Variants in STAB1 observed in about 807,000 individuals in gnomAD.
STAB1 encodes the protein stabilin-1.
A neutral mutation model predicts 332.4 loss-of-function variants in STAB1; 250 were observed. That is an observed-to-expected ratio of 0.75 (90% confidence interval 0.68 to 0.84). STAB1 has a LOEUF of 0.84. Ranked by LOEUF, STAB1 falls within the 40% of genes least tolerant of loss-of-function variation. STAB1 has a pLI of 0.00. For synonymous variants in STAB1, 1,475 were observed against 1,390.4 expected (o/e 1.06, Z -1.35); for missense variants, 3,249 against 3,489.7 (o/e 0.93, Z 1.74).
In STAB1 at chr3:52,501,637, G is replaced by A; in HGVS notation, c.216-1G>A. 6.4e-7 allele frequency: 1 copy of A among 1,555,720 alleles called. No homozygotes were observed. Among genetic ancestry groups the A allele is most frequent in the Non-Finnish European group, 8.7e-7 (1 of 1,150,214 alleles). On this transcript the variant is annotated splice_acceptor_variant, in intron 2 of 68. Coordinates refer to ENST00000321725, the MANE Select transcript of STAB1 (RefSeq NM_015136.3). LOFTEE classifies it high-confidence loss of function. ...TCACCCTGCCCACCCTCTGCCCCCA[G>A]CTACGAAGTACAGCTGGGGGGCTCT... is the stretch of plus-strand genomic sequence containing the variant.
chr3:52,501,050 C>A, intron 1 of STAB1, 116 bp from the exon 2 acceptor site: 1 of 1,435,346 alleles, frequency 7.0e-7, no homozygotes, highest in Non-Finnish European at 9.6e-7. Flanking sequence ...TTACTCTGAC[C>A]CCTGAGCAGA....
In STAB1 at chr3:52,506,723, C is replaced by T. The variant is rs139970962; in HGVS notation, c.1862C>T (p.Pro621Leu). ...ATCCTGCTGGGACCCGAGGGGGTCC[C>T]GCTGCAGAGGGTAGACGTGATGGCC... is the stretch of plus-strand genomic sequence containing the variant. ...GRILLGPEGV[P>L]LQRVDVMAAN... The change falls in exon 18 of 69, where the codon CCG (proline) becomes CTG (leucine). Residue 621 changes from proline (P) to leucine (L), a missense_variant. Physicochemically the swap from Pro to Leu is moderately conservative, Grantham distance 98. Transcript: ENST00000321725. 71 of 1,611,892 alleles carry T rather than the reference C, an allele frequency of 4.4e-5. No homozygotes were observed. The highest frequency in any genetic ancestry group is 1.3e-4 in the African/African-American group (10 of 74,914).
chr3:52,523,142 G>T lies in STAB1; in HGVS notation c.7020+8G>T. 3.7e-6 allele frequency: 6 copies of T among 1,604,450 alleles called. No individual in the cohort carries two copies. Among genetic ancestry groups the T allele is most frequent in the South Asian group, 1.1e-5 (1 of 89,502 alleles). On this transcript the variant is annotated splice_region_variant and intron_variant, in intron 63 of 68. Transcript: ENST00000321725. ...TTCTCCACCTTCTATGGGGTGTGTG[G>T]GGGCCACCCTTGGGGGCGGGGGGTG...
chr3:52,503,902 G>C lies in STAB1; in HGVS notation c.1022G>C (p.Ser341Thr), dbSNP rs1051505192. Residue 341 changes from serine to threonine, a missense_variant and splice_region_variant, in exon 9 of 69, where the codon AGC becomes ACC. Physicochemically the swap from Ser to Thr is moderately conservative, Grantham distance 58. Coordinates refer to ENST00000321725, the MANE Select transcript of STAB1 (RefSeq NM_015136.3). ...TCQVTADGKT[S>T]CVCRESEVGD... ...CAGGTGACCGCTGATGGGAAGACCA[G>C]GTGAGCACAGGTGCCTGGGAGCAGA... 5.0e-6 allele frequency: 8 copies of C among 1,613,046 alleles called. No individual in the cohort carries two copies. Among genetic ancestry groups the C allele is most frequent in the Non-Finnish European group, 6.8e-6 (8 of 1,180,012 alleles).
chr3:52,523,977 C>A lies in STAB1; in HGVS notation c.7502C>A (p.Ala2501Asp). 6.2e-7 allele frequency: 1 copy of A among 1,611,854 alleles called. No individual in the cohort carries two copies. Among genetic ancestry groups the A allele is most frequent in the Non-Finnish European group, 8.5e-7 (1 of 1,179,914 alleles). ...GTGGCCGGAGCTCTCTACCTCCGTGCCCGAGGCAAGCCCATGGGCTTTGGC... is the reference window on the plus strand; with the variant it reads ...GTGGCCGGAGCTCTCTACCTCCGTGACCGAGGCAAGCCCATGGGCTTTGGC... ...GLVAGALYLRARGKPMGFGFS... is the reference protein window; with the variant it reads ...GLVAGALYLRDRGKPMGFGFS... Residue 2501 changes from alanine (A) to aspartate (D), a missense_variant, in exon 67 of 69, where the codon GCC becomes GAC. Physicochemically the swap from Ala to Asp is moderately radical, Grantham distance 126. Transcript: ENST00000321725.
chr3:52,496,443 A>G (rs966092032), intron 1 of STAB1, among the ~76,000 whole-genome samples: 1 of 152,240 alleles, frequency 6.6e-6, no homozygotes, highest in African/African-American at 2.4e-5. Context: ...TCCCACAGGC[A>G]GTCCAGCCAG....
chr3:52,520,186 A>T lies in STAB1; in HGVS notation c.5413-18A>T. The T allele has an allele frequency of 6.2e-7, 1 of 1,613,000 alleles. No homozygotes were observed. Among genetic ancestry groups the T allele is most frequent in the South Asian group, 1.1e-5 (1 of 91,076 alleles). ...TCAGCCTGCCTTTCCACCTCCAACC[A>T]TGACTCCACTTGCTCAGGCCTTGGC... On this transcript the variant is annotated intron_variant, in intron 51 of 68. Coordinates refer to ENST00000321725, the MANE Select transcript of STAB1 (RefSeq NM_015136.3).
Position 52,517,987 on chromosome 3 carries a change from G to C in STAB1, c.4745G>C (p.Arg1582Pro). ...AHTVGDGLTCRARVGLELLRD... is the reference protein window; with the variant it reads ...AHTVGDGLTCPARVGLELLRD... ...ACCGTGGGGGACGGCCTCACCTGCCGTGCCCGAGTCGGCCTGGTAATGATG... is the reference window on the plus strand; with the variant it reads ...ACCGTGGGGGACGGCCTCACCTGCCCTGCCCGAGTCGGCCTGGTAATGATG... The change falls in exon 45 of 69, where the codon CGT becomes CCT. Residue 1582 changes from arginine to proline, a missense_variant. Physicochemically the swap from Arg to Pro is moderately radical, Grantham distance 103. Transcript: ENST00000321725. 1.2e-6 allele frequency: 2 copies of C among 1,605,380 alleles called. No homozygotes were observed. The highest frequency in any genetic ancestry group is 1.7e-6 in the Non-Finnish European group (2 of 1,177,536).
Position 52,516,535 on chromosome 3 carries a change from C to T in STAB1, c.4241-7C>T, listed in dbSNP as rs776028591. The T allele has an allele frequency of 7.4e-6, 12 of 1,613,188 alleles. No individual in the cohort carries two copies. Among genetic ancestry groups the T allele is most frequent in the Non-Finnish European group, 1.0e-5 (12 of 1,179,986 alleles). On this transcript the variant is annotated splice_region_variant and splice_polypyrimidine_tract_variant and intron_variant, in intron 39 of 68. Coordinates refer to ENST00000321725, the MANE Select transcript of STAB1 (RefSeq NM_015136.3). ...TGAATGACCAGAGTCATCCTCCTGC[C>T]CCCCAGAAATCACCAGCCCTCAGTG...
intron 1 of STAB1, 46 bp downstream of exon 1, chr3:52,495,537 C>T (rs372564883): frequency 3.1e-6 from 4 of 1,278,586 alleles, no homozygotes; most frequent in African/African-American, 1.5e-5. Flanking sequence ...TGGGCCCTGC[C>T]GGCCAGCGGT....
intron 42 of STAB1, 44 bp from the exon 43 acceptor site, chr3:52,517,276 G>T (rs1174059429): frequency 6.6e-7 from 1 of 1,525,362 alleles, no homozygotes; most frequent in Admixed American, 2.2e-5. Context: ...GAGGAAGGGG[G>T]GGGCCACTAA....
chr3:52,512,205 C>A, intron 26 of STAB1, 136 bp from the exon 27 acceptor site: 1 of 832,176 alleles, frequency 1.2e-6, no homozygotes, highest in Non-Finnish European at 2.0e-6. Flanking sequence ...AGGAGTGCCA[C>A]CAACACAGAC....
Position 52,513,875 on chromosome 3 carries a change from T to C in STAB1, c.3349-8T>C. 6.2e-7 allele frequency: 1 copy of C among 1,608,916 alleles called. No homozygotes were observed. Among genetic ancestry groups the C allele is most frequent in the Non-Finnish European group, 8.5e-7 (1 of 1,176,552 alleles). ...GACATACTGACCAGGCCCTGTGCTC[T>C]GTACCAGGTCTTACTGCCCCCCCGA... On this transcript the variant is annotated splice_region_variant and splice_polypyrimidine_tract_variant and intron_variant, in intron 31 of 68. Coordinates refer to ENST00000321725, the MANE Select transcript of STAB1 (RefSeq NM_015136.3).
chr3:52,514,406 C>T lies in STAB1; in HGVS notation c.3588C>T (p.Ala1196=). 1 of 1,553,222 alleles carries T rather than the reference C, an allele frequency of 6.4e-7. No individual in the cohort carries two copies. Among genetic ancestry groups the T allele is most frequent in the Non-Finnish European group, 8.7e-7 (1 of 1,149,234 alleles). The stretch of plus-strand genomic sequence containing the variant: ...GGCACCATGTGGTCCTGGGGGAGGC[C>T]CTCTCCATGGAAACCCTGCGGAAGG... ...TVRHHVVLGE[A]LSMETLRKGG... The change falls in exon 34 of 69, where the codon GCC becomes GCT. Residue 1196 remains alanine, a synonymous_variant. Coordinates refer to ENST00000321725, the MANE Select transcript of STAB1 (RefSeq NM_015136.3).
rs551514762 is a variant in STAB1 at position 52,520,647 on chromosome 3, C to G, written c.5655C>G (p.Thr1885=). ...HFETRPLRLN[T]CSICGLEPPC... is the part of the protein sequence containing the mutation. ...TTGGCCTCCCTCCCTTCCAGAACAC[C>G]TGCAGCATCTGTGGGCTGGAGCCAC... The change falls in exon 54 of 69, where the codon ACC becomes ACG. Residue 1885 remains threonine (T), a synonymous_variant. Transcript: ENST00000321725. 1.2e-6 allele frequency: 2 copies of G among 1,612,290 alleles called. No individual in the cohort carries two copies. Among genetic ancestry groups the G allele is most frequent in the South Asian group, 1.1e-5 (1 of 91,074 alleles).
At chr3:52,517,225 T>A (rs1026191607) in intron 42 of STAB1, 95 bp from the exon 43 acceptor site, 4 of 1,438,258 alleles carry the variant, frequency 2.8e-6, no homozygotes, top group African/African-American at 3.3e-5. Context: ...CTGGGGGCGC[T>A]GAGAGAGGAG....
intron 33 of STAB1, 23 bp downstream of exon 33, chr3:52,514,236 A>G (rs1452950879): frequency 2.5e-6 from 4 of 1,612,054 alleles, no homozygotes; most frequent in Non-Finnish European, 3.4e-6. Context: ...GGATGGGGCA[A>G]TGGCAGGGAG....
In STAB1 at chr3:52,504,124, C is replaced by T; in HGVS notation, c.1119C>T (p.Phe373=). 3 of 1,591,952 alleles carry T rather than the reference C, an allele frequency of 1.9e-6. No individual in the cohort carries two copies. The highest frequency in any genetic ancestry group is 1.1e-5 in the South Asian group (1 of 88,122). Residue 373 remains phenylalanine (F), a synonymous_variant, in exon 10 of 69, where the codon TTC becomes TTT. Transcript: ENST00000321725. ...VQKATQTGRV[F]LQLRVAVAMM... The stretch of plus-strand genomic sequence containing the variant: ...AGGCCACGCAGACAGGCCGGGTGTT[C>T]CTGCAGCTGAGGGTCGCCGTGGCCA...
At position 52,503,479 on chromosome 3, in the gene STAB1, C is replaced by T; in HGVS notation, c.830C>T (p.Thr277Ile). The T allele has an allele frequency of 6.2e-7, 1 of 1,613,824 alleles. No individual in the cohort carries two copies. Among genetic ancestry groups the T allele is most frequent in the Non-Finnish European group, 8.5e-7 (1 of 1,180,034 alleles). Residue 277 changes from threonine (T) to isoleucine (I), a missense_variant, in exon 8 of 69, where the codon ACT (threonine) becomes ATT (isoleucine). Coordinates refer to ENST00000321725, the MANE Select transcript of STAB1 (RefSeq NM_015136.3). ...GMVCLPKDPC[T>I]DNLGGCPSNS... ...GTGTGTCTGCCCAAGGACCCATGCA[C>T]TGACAACCTTGGTGGCTGCCCCAGC...
Sources: allele counts gnomAD v4.1 joint callset (sites outside exome capture counted in the v4.1 genomes callset), GRCh38; gene constraint gnomAD v4.1.1; transcripts MANE v1.5; gene names NCBI Gene and HGNC (gene_info 2026-07-23, HGNC 2026-07-21).